ADK: variants seen among roughly 807,000 people sequenced by gnomAD.
ADK encodes the protein adenosine kinase, also known as N6,N6-dimethyladenosine kinase.
ADK carries 24 observed loss-of-function variants against 44.7 expected under a neutral mutation model. The ratio of observed to expected loss-of-function variants is 0.54; its 90% CI spans 0.39 to 0.76. ADK has a LOEUF of 0.76. ADK is among the 30% of genes least tolerant of loss of function. ADK has a pLI of 0.00. For missense variants in ADK, 321 were observed against 425.1 expected (o/e 0.76, Z 2.15); for synonymous variants, 128 against 142.6 (o/e 0.90, Z 0.73).
intron 1 of ADK, among the ~76,000 whole-genome samples, chr10:74,172,899 C>T (rs117056627): frequency 0.099 from 8,928 of 90,112 alleles, 341 homozygotes; most frequent in Middle Eastern, 0.19. Context: ...AGTGGGACTC[C>T]ATGTCAAAAA....
At chr10:74,621,804 A>G (rs1322282665) in intron 9 of ADK, among the ~76,000 whole-genome samples, 2 of 152,146 alleles carry the variant, frequency 1.3e-5, no homozygotes, top group African/African-American at 4.8e-5. Flanking sequence ...TGTAGAGTCC[A>G]ATTAGATCTA....
chr10:74,316,108 C>CAT (rs2131808315), intron 4 of ADK, among the ~76,000 whole-genome samples: 1 of 152,120 alleles, frequency 6.6e-6, no homozygotes, highest in Admixed American at 6.5e-5. Flanking sequence ...GGTGTGGTGG[C>CAT]ATATGTCTCT....
At chr10:74,216,806 C>T (rs1302056351) in intron 2 of ADK, among the ~76,000 whole-genome samples, 1 of 151,860 alleles carries the variant, frequency 6.6e-6, no homozygotes, top group Admixed American at 6.6e-5. Context: ...TTTTTATACT[C>T]AGGCAATAGA....
Position 74,547,418 on chromosome 10 carries a change from A to G in ADK, c.726+21992A>G, listed in dbSNP as rs371389765. ...AACCAATTGAAATAGATTTTACATC[A>G]TTTTTCCCACTTTATATATATATAT... On this transcript the variant is annotated intron_variant, in intron 7 of 10. Coordinates refer to ENST00000539909, the MANE Select transcript of ADK (RefSeq NM_006721.4). 2.1e-4 allele frequency among the ~76,000 whole-genome samples: 28 copies of G among 135,978 alleles called. 1 individual carries two copies. In the East Asian group the frequency reaches 5.8e-3, roughly 28 times the overall value. 89.2% of individuals were successfully genotyped at this position (135,978 alleles called of 152,430 possible).
intron 9 of ADK, among the ~76,000 whole-genome samples, chr10:74,653,367 G>A (rs1854345425): frequency 6.6e-6 from 1 of 152,030 alleles, no homozygotes; most frequent in African/African-American, 2.4e-5. Flanking sequence ...CAGGAGAATT[G>A]CTTGAACCCA....
intron 3 of ADK, among the ~76,000 whole-genome samples, chr10:74,250,980 G>A (rs1845631445): frequency 1.3e-5 from 2 of 152,194 alleles, no homozygotes; most frequent in South Asian, 2.1e-4. Flanking sequence ...GAGCTCAAGC[G>A]ATTCTTCCAT....
At chr10:74,319,732 T>G (rs1006518928) in intron 4 of ADK, among the ~76,000 whole-genome samples, 4 of 152,206 alleles carry the variant, frequency 2.6e-5, no homozygotes, top group African/African-American at 9.7e-5. Flanking sequence ...CTTCTTCCTT[T>G]TCTTTCCTGT....
intron 9 of ADK, among the ~76,000 whole-genome samples, chr10:74,650,123 T>C (rs1854206808): frequency 6.6e-6 from 1 of 152,122 alleles, no homozygotes. Context: ...TAAAATATTA[T>C]AGAAAGTAAT....
chr10:74,311,537 GA>G (rs1263239022), intron 3 of ADK, among the ~76,000 whole-genome samples: 2 of 151,954 alleles, frequency 1.3e-5, no homozygotes, highest in East Asian at 1.9e-4. Context: ...GAAAGGGGAA[GA>G]AAAAAATTGT....
At chr10:74,616,562 A>G (rs1361571859) in intron 9 of ADK, among the ~76,000 whole-genome samples, 1 of 152,010 alleles carries the variant, frequency 6.6e-6, no homozygotes, top group Non-Finnish European at 1.5e-5. Context: ...TTTTTAGGCT[A>G]TTTCATTGTC....
chr10:74,179,793 T>C (rs899551459), intron 1 of ADK, among the ~76,000 whole-genome samples: 1 of 152,252 alleles, frequency 6.6e-6, no homozygotes, highest in Admixed American at 6.5e-5. Flanking sequence ...GTCTTTGGAA[T>C]CGTCATCCTT....
chr10:74,627,837 G>A (rs1167071747), intron 9 of ADK, among the ~76,000 whole-genome samples: 3 of 152,118 alleles, frequency 2.0e-5, no homozygotes, highest in South Asian at 2.1e-4. Context: ...GGGTTTCACC[G>A]TGTTGGCCAG....
chr10:74,660,413 C>T lies in ADK; in HGVS notation c.878-9770C>T, dbSNP rs145384293. On this transcript the variant is annotated intron_variant, in intron 9 of 10. Coordinates refer to ENST00000539909, the MANE Select transcript of ADK (RefSeq NM_006721.4). ...TCCCAAAATGCTGGGGTTACAGACA[C>T]GAGCCACCGTGTCTAGCCTCCTATT... Among the ~76,000 whole-genome samples, 500 of 152,240 alleles carry T rather than the reference C, an allele frequency of 3.3e-3. 2 individuals carry two copies. Among genetic ancestry groups the T allele is most frequent in the African/African-American group, 0.011 (471 of 41,530 alleles).
chr10:74,707,135 A>C (rs1564862701), intron 10 of ADK, among the ~76,000 whole-genome samples: 1 of 152,166 alleles, frequency 6.6e-6, no homozygotes, highest in East Asian at 1.9e-4. Flanking sequence ...TTCCAGGCTT[A>C]AGCAATCCTC....
rs753608115 is a variant in ADK at position 74,398,487 on chromosome 10, C to G, written c.463C>G (p.Leu155Val). ...TGDNRSLIAN[L>V]AAANCYKKEK... ...TTGTTTTAGGTCCCTCATAGCTAATCTTGCTGCTGCCAATTGTTATAAAAA... is the reference window on the plus strand; with the variant it reads ...TTGTTTTAGGTCCCTCATAGCTAATGTTGCTGCTGCCAATTGTTATAAAAA... The change falls in exon 6 of 11, where the codon CTT becomes GTT. Residue 155 changes from leucine to valine, a missense_variant. Physicochemically the swap from Leu to Val is conservative, Grantham distance 32. Transcript: ENST00000539909. 6.2e-7 allele frequency: 1 copy of G among 1,611,044 alleles called. No individual in the cohort carries two copies. The highest frequency in any genetic ancestry group is 1.7e-5 in the Admixed American group (1 of 59,958).
intron 3 of ADK, among the ~76,000 whole-genome samples, chr10:74,276,957 G>C (rs1846705486): frequency 6.7e-6 from 1 of 149,704 alleles, no homozygotes; most frequent in Non-Finnish European, 1.5e-5. Flanking sequence ...TCAGTCTGTT[G>C]CACAGACTGC....
intron 10 of ADK, among the ~76,000 whole-genome samples, chr10:74,690,682 G>C (rs1320010023): frequency 9.9e-5 from 15 of 152,146 alleles, no homozygotes; most frequent in Admixed American, 7.9e-4. Context: ...TCAACACCCA[G>C]CTCATGTCAC....
At chr10:74,643,274 T>C (rs892413458) in intron 9 of ADK, among the ~76,000 whole-genome samples, 2 of 152,208 alleles carry the variant, frequency 1.3e-5, no homozygotes, top group African/African-American at 4.8e-5. Context: ...AACCCTAAAT[T>C]GTTAGAAACT....
rs191079809 is a variant in ADK, at chr10:74,334,867, G to A, written c.273+20122G>A. On this transcript the variant is annotated intron_variant, in intron 4 of 10. Transcript: ENST00000539909. ...CAGCCATCCTCTTATACATATCTGC[G>A]TTCCTAGCCTAGGTGCCTTCATTCA... Among the ~76,000 whole-genome samples the A allele has an allele frequency of 5.3e-5, 8 of 152,258 alleles. No homozygotes were observed. In the East Asian group the frequency reaches 9.7e-4, roughly 18 times the overall value.
Sources: allele counts gnomAD v4.1 joint callset (sites outside exome capture counted in the v4.1 genomes callset), GRCh38; gene constraint gnomAD v4.1.1; transcripts MANE v1.5; gene names NCBI Gene and HGNC (gene_info 2026-07-23, HGNC 2026-07-21).